TFDP2: variants seen among roughly 807,000 people sequenced by gnomAD.
TFDP2 encodes the protein transcription factor Dp-2 (E2F dimerization partner 2).
TFDP2 carries 17 observed loss-of-function variants against 59.3 expected under a neutral mutation model. That is an observed-to-expected ratio of 0.29 (90% CI 0.20 to 0.43). The LOEUF is 0.43. TFDP2 is among the 20% of genes least tolerant of loss of function. The pLI is 1.00. For synonymous variants in TFDP2, 180 were observed against 194.7 expected (o/e 0.92, Z 0.63); for missense variants, 391 against 528.8 (o/e 0.74, Z 2.56).
At chr3:142,076,041 T>C (rs1375761505) in intron 3 of TFDP2, among the ~76,000 whole-genome samples, 1 of 151,622 alleles carries the variant, frequency 6.6e-6, no homozygotes, top group African/African-American at 2.4e-5. Flanking sequence ...TGAAACCCTG[T>C]CTTTACTAAA....
At chr3:141,975,417 G>A (rs1940477395) in intron 7 of TFDP2, among the ~76,000 whole-genome samples, 1 of 152,090 alleles carries the variant, frequency 6.6e-6, no homozygotes, top group Non-Finnish European at 1.5e-5. Context: ...AATGGGCCAG[G>A]AGTGGTGGCT....
At chr3:142,050,097 T>A (rs1423776639) in intron 3 of TFDP2, among the ~76,000 whole-genome samples, 1 of 151,398 alleles carries the variant, frequency 6.6e-6, no homozygotes, top group Non-Finnish European at 1.5e-5. Flanking sequence ...TAAAACCCCA[T>A]CTCTACTAAA....
chr3:141,981,095 C>T (rs1576561280), intron 6 of TFDP2, among the ~76,000 whole-genome samples: 1 of 152,156 alleles, frequency 6.6e-6, no homozygotes, highest in Non-Finnish European at 1.5e-5. Flanking sequence ...GTCCTGCAAG[C>T]TCCATTCATG....
At chr3:141,966,195 C>T (rs1020813082) in intron 9 of TFDP2, among the ~76,000 whole-genome samples, 24 of 151,864 alleles carry the variant, frequency 1.6e-4, no homozygotes, top group African/African-American at 4.1e-4. Flanking sequence ...TTTTTTGAGA[C>T]GGAGTCTCAC....
At chr3:142,102,898 G>A (rs973945268) in intron 1 of TFDP2, among the ~76,000 whole-genome samples, 1 of 152,158 alleles carries the variant, frequency 6.6e-6, no homozygotes, top group Non-Finnish European at 1.5e-5. Context: ...AAATGTTAGT[G>A]TCATGAATGG....
intron 6 of TFDP2, among the ~76,000 whole-genome samples, chr3:141,985,905 T>A (rs1942048461): frequency 6.6e-6 from 1 of 152,162 alleles, no homozygotes; most frequent in Non-Finnish European, 1.5e-5. Context: ...GGAATGCAAA[T>A]CAAAATGCTT....
intron 10 of TFDP2, among the ~76,000 whole-genome samples, chr3:141,961,624 AT>A (rs942183026): frequency 1.3e-5 from 2 of 152,144 alleles, no homozygotes; most frequent in African/African-American, 4.8e-5. Flanking sequence ...GTGGAAAATA[AT>A]TCAGATATCT....
intron 3 of TFDP2, chr3:142,044,226 G>GTTTTTT (rs142598439): frequency 5.1e-5 from 6 of 118,262 alleles, no homozygotes; most frequent in African/African-American, 9.4e-5. Context: ...CAGCAAAAGG[G>GTTTTTT]TTTTTTTTTT....
At chr3:141,989,893 A>AATTATT (rs1357180642) in intron 6 of TFDP2, among the ~76,000 whole-genome samples, 1 of 145,488 alleles carries the variant, frequency 6.9e-6, no homozygotes. Context: ...TAATAATAAT[A>AATTATT]ATTATTATTA....
chr3:142,135,848 A>G (rs2062710448), intron 1 of TFDP2, among the ~76,000 whole-genome samples: 1 of 152,104 alleles, frequency 6.6e-6, no homozygotes, highest in African/African-American at 2.4e-5. Flanking sequence ...TATTGTGAAT[A>G]GTGCTGCAAT....
intron 3 of TFDP2, among the ~76,000 whole-genome samples, chr3:142,050,973 T>C (rs1474136141): frequency 6.6e-6 from 1 of 152,218 alleles, no homozygotes; most frequent in African/African-American, 2.4e-5. Flanking sequence ...ATGTATAAGG[T>C]TGATTCTAAA....
chr3:141,999,028 A>G (rs1365105208), intron 4 of TFDP2, among the ~76,000 whole-genome samples: 4 of 152,208 alleles, frequency 2.6e-5, no homozygotes, highest in Admixed American at 2.6e-4. Flanking sequence ...TAAGACAGCC[A>G]TTAGATTATC....
chr3:141,977,237 A>G (rs1940827542), intron 7 of TFDP2, among the ~76,000 whole-genome samples: 1 of 149,098 alleles, frequency 6.7e-6, no homozygotes, highest in Admixed American at 6.7e-5. Flanking sequence ...AGCTGGGACT[A>G]CAGGTTTGTG....
At chr3:142,057,481 G>A (rs2059783258) in intron 3 of TFDP2, among the ~76,000 whole-genome samples, 1 of 152,086 alleles carries the variant, frequency 6.6e-6, no homozygotes, top group Non-Finnish European at 1.5e-5. Flanking sequence ...ATTTGTTCCT[G>A]GGTGGGTTGT....
intron 3 of TFDP2, among the ~76,000 whole-genome samples, chr3:142,045,430 G>A (rs1426528893): frequency 1.3e-5 from 2 of 152,184 alleles, no homozygotes; most frequent in African/African-American, 4.8e-5. Flanking sequence ...AAAGTGCTGC[G>A]ATTACAGGTG....
chr3:141,961,963 G>T (rs368004460), intron 10 of TFDP2, among the ~76,000 whole-genome samples: 3 of 151,838 alleles, frequency 2.0e-5, no homozygotes, highest in Admixed American at 6.6e-5. Context: ...TCTTTTTTTG[G>T]GGGGGACGGA....
At chr3:142,100,660 A>C (rs1328198954) in intron 2 of TFDP2, among the ~76,000 whole-genome samples, 2 of 152,118 alleles carry the variant, frequency 1.3e-5, no homozygotes, top group African/African-American at 2.4e-5. Flanking sequence ...GGCGTGAGCC[A>C]CCATGCCTGG....
intron 6 of TFDP2, among the ~76,000 whole-genome samples, chr3:141,984,759 G>T (rs551291569): frequency 6.6e-6 from 1 of 152,124 alleles, no homozygotes. Flanking sequence ...AAGTTTTGAT[G>T]ATTTCATGGC....
chr3:142,001,411 C>G (rs576702096), intron 4 of TFDP2, among the ~76,000 whole-genome samples: 1 of 152,264 alleles, frequency 6.6e-6, no homozygotes, highest in East Asian at 1.9e-4. Flanking sequence ...CGCCTGAAGC[C>G]CCTCTTTTGA....
Sources: allele counts gnomAD v4.1 joint callset (sites outside exome capture counted in the v4.1 genomes callset), GRCh38; gene constraint gnomAD v4.1.1; transcripts MANE v1.5; gene names NCBI Gene and HGNC (gene_info 2026-07-23, HGNC 2026-07-21).